RIMS1: variants seen among roughly 807,000 people sequenced by gnomAD.
RIMS1 encodes the protein regulating synaptic membrane exocytosis 1, also known as regulating synaptic membrane exocytosis protein 1.
In RIMS1, 83 loss-of-function variants were observed where a neutral mutation model predicts 214.1. The observed-to-expected ratio is 0.39, with a 90% confidence interval of 0.32 to 0.47. The LOEUF (loss-of-function observed/expected upper bound fraction) is 0.47, where lower values mean the gene tolerates loss of function less well. Ranked by LOEUF, RIMS1 falls within the 20% of genes least tolerant of loss-of-function variation. RIMS1 has a pLI of 0.99. For synonymous variants in RIMS1, 793 were observed against 786.8 expected, an observed-to-expected ratio of 1.01 and a Z score of -0.13; for missense variants, 2,050 against 2,161.8, an observed-to-expected ratio of 0.95 and a Z score of 1.03.
At chr6:72,263,995 AAAAAG>A in intron 19 of RIMS1, 29 of 693,050 alleles carry the variant, frequency 4.2e-5, no homozygotes, top group Middle Eastern at 7.3e-4. Flanking sequence ...CTCTGTCTCA[AAAAAG>A]AAAAGAAAAG....
At chr6:72,297,008 T>G (rs2094157668) in intron 26 of RIMS1, among the ~76,000 whole-genome samples, 4 of 152,098 alleles carry the variant, frequency 2.6e-5, no homozygotes, top group Admixed American at 6.6e-5. Flanking sequence ...TTATGCATTA[T>G]GTATCTCGGT....
intron 4 of RIMS1, among the ~76,000 whole-genome samples, chr6:72,177,790 G>A (rs983461829): frequency 3.3e-5 from 5 of 152,136 alleles, no homozygotes; most frequent in Admixed American, 3.3e-4. Flanking sequence ...GGGCAGAAGA[G>A]ACTCAGTGTC....
At chr6:72,322,219 C>G (rs1269344262) in intron 28 of RIMS1, among the ~76,000 whole-genome samples, 1 of 152,040 alleles carries the variant, frequency 6.6e-6, no homozygotes, top group Admixed American at 6.6e-5. Context: ...AGTTTTAGCC[C>G]TGGAGCACCT....
rs140493329 is a variant in RIMS1, at chr6:72,353,413, A to G, written c.4366+19578A>G. Among the ~76,000 whole-genome samples the G allele has an allele frequency of 2.3e-4, 35 of 152,348 alleles. No homozygotes were observed. In the Middle Eastern group the frequency reaches 0.01, roughly 44 times the overall value. On this transcript the variant is annotated intron_variant, in intron 29 of 33. Transcript: ENST00000521978. ...GAGTTTCAAAGCCTGTCAGAATCCA[A>G]AACTGACCCCACAATTTCTATTCAT...
chr6:72,110,187 C>T (rs1014476617), intron 4 of RIMS1, among the ~76,000 whole-genome samples: 23 of 151,862 alleles, frequency 1.5e-4, no homozygotes, highest in African/African-American at 5.3e-4. Context: ...CAATGCAGGC[C>T]CTTTTTTGGT....
intron 6 of RIMS1, among the ~76,000 whole-genome samples, chr6:72,216,096 G>A (rs563995131): frequency 6.6e-6 from 1 of 152,170 alleles, no homozygotes; most frequent in South Asian, 2.1e-4. Context: ...CTGTTTCTGG[G>A]ATCTGAATGT....
At chr6:72,133,329 T>C (rs2040759306) in intron 4 of RIMS1, among the ~76,000 whole-genome samples, 1 of 151,996 alleles carries the variant, frequency 6.6e-6, no homozygotes, top group South Asian at 2.1e-4. Flanking sequence ...GTTTTGTTGC[T>C]AGCCTTCAAG....
chr6:72,058,142 C>T (rs1826852568), intron 2 of RIMS1, among the ~76,000 whole-genome samples: 1 of 152,188 alleles, frequency 6.6e-6, no homozygotes. Context: ...TAATCAAACC[C>T]TGATCTTGTA....
At chr6:72,015,477 G>A (rs887532114) in intron 2 of RIMS1, among the ~76,000 whole-genome samples, 1 of 152,100 alleles carries the variant, frequency 6.6e-6, no homozygotes, top group Non-Finnish European at 1.5e-5. Context: ...CTGCAAATAG[G>A]AATAGTATTC....
intron 2 of RIMS1, among the ~76,000 whole-genome samples, chr6:72,016,082 T>C (rs1442710504): frequency 6.6e-6 from 1 of 152,228 alleles, no homozygotes; most frequent in African/African-American, 2.4e-5. Flanking sequence ...TTTTTATCTT[T>C]TATTCTATGA....
intron 2 of RIMS1, among the ~76,000 whole-genome samples, chr6:71,979,961 T>G (rs1414878731): frequency 1.3e-5 from 2 of 152,046 alleles, no homozygotes; most frequent in Non-Finnish European, 2.9e-5. Context: ...GACCTCTCTT[T>G]CAAAACTCAT....
At chr6:71,965,799 C>G (rs1173738011) in intron 1 of RIMS1, among the ~76,000 whole-genome samples, 1 of 152,102 alleles carries the variant, frequency 6.6e-6, no homozygotes, top group African/African-American at 2.4e-5. Context: ...CTTTGAATTC[C>G]TAGTCCTTCA....
chr6:72,253,901 C>G (rs1240297507), intron 16 of RIMS1, among the ~76,000 whole-genome samples: 1 of 152,162 alleles, frequency 6.6e-6, no homozygotes, highest in Non-Finnish European at 1.5e-5. Flanking sequence ...GAGTCTCACT[C>G]TGCTGCTAGG....
chr6:72,109,353 C>G (rs1269303397), intron 4 of RIMS1, among the ~76,000 whole-genome samples: 2 of 150,684 alleles, frequency 1.3e-5, no homozygotes, highest in African/African-American at 4.9e-5. Flanking sequence ...CACCTCCTCT[C>G]CAGCACCTGT....
chr6:72,359,624 A>C (rs1285995523), intron 29 of RIMS1, among the ~76,000 whole-genome samples: 1 of 152,202 alleles, frequency 6.6e-6, no homozygotes, highest in Non-Finnish European at 1.5e-5. Flanking sequence ...GCACCCATAG[A>C]GTCATCAAAA....
chr6:71,895,543 G>A (rs1283481675), intron 1 of RIMS1, among the ~76,000 whole-genome samples: 1 of 151,882 alleles, frequency 6.6e-6, no homozygotes, highest in African/African-American at 2.4e-5. Flanking sequence ...GCGTGGTGAT[G>A]CATGCCTGTA....
At chr6:71,894,650 T>C (rs1269786482) in intron 1 of RIMS1, among the ~76,000 whole-genome samples, 1 of 152,222 alleles carries the variant, frequency 6.6e-6, no homozygotes, top group African/African-American at 2.4e-5. Context: ...ATCTTTAATG[T>C]GTGAGAATTT....
At chr6:72,000,439 G>A (rs910550540) in intron 2 of RIMS1, among the ~76,000 whole-genome samples, 4 of 152,148 alleles carry the variant, frequency 2.6e-5, no homozygotes, top group African/African-American at 9.7e-5. Context: ...GAGACTTAGT[G>A]TAATGATTGC....
intron 1 of RIMS1, among the ~76,000 whole-genome samples, chr6:71,954,866 A>ACTC (rs1241985427): frequency 1.5e-5 from 2 of 135,776 alleles, no homozygotes; most frequent in African/African-American, 6.0e-5. Flanking sequence ...ACACACACAC[A>ACTC]CACTCCACAC....
Sources: gnomAD v4.1 joint callset for allele counts (sites outside exome capture counted in the v4.1 genomes callset) on GRCh38, gnomAD v4.1.1 for gene constraint, MANE v1.5 for transcripts, NCBI Gene and HGNC (gene_info 2026-07-23, HGNC 2026-07-21) for gene names.